Variants in RPL26L1 observed in about 807,000 individuals in gnomAD.
The protein encoded by RPL26L1 is ribosomal protein uL24-like.
Under a neutral mutation model 15.2 loss-of-function variants are expected in RPL26L1, and 8 were observed. The ratio of observed to expected loss-of-function variants is 0.53; its 90% CI spans 0.31 to 0.95. The LOEUF is 0.95. Ranked by LOEUF, RPL26L1 falls within the 40% of genes least tolerant of loss-of-function variation. The pLI, the probability that RPL26L1 is intolerant of heterozygous loss-of-function variation, is 0.05. For missense variants in RPL26L1, 146 were observed against 190.9 expected (o/e 0.76, Z 1.39); for synonymous variants, 51 against 65.9 (o/e 0.77, Z 1.09).
intron 2 of RPL26L1, among the ~76,000 whole-genome samples, chr5:172,966,862 G>GTT (rs987687207): frequency 1.4e-5 from 2 of 144,636 alleles, no homozygotes; most frequent in Non-Finnish European, 1.5e-5. Flanking sequence ...GTACCTGGTG[G>GTT]TTTTTTTTTT....
At chr5:172,962,798 A>G (rs957920626) in intron 2 of RPL26L1, among the ~76,000 whole-genome samples, 1 of 143,562 alleles carries the variant, frequency 7.0e-6, no homozygotes, top group Non-Finnish European at 1.5e-5. Flanking sequence ...CCTGGGTGAC[A>G]GAGTGAGGCT....
intron 1 of RPL26L1, 183 bp downstream of exon 1, chr5:172,959,651 A>C: frequency 1.7e-6 from 2 of 1,201,906 alleles, no homozygotes; most frequent in East Asian, 3.2e-5. Context: ...CCTCTCCCCC[A>C]CGACCCCTTT....
intron 2 of RPL26L1, among the ~76,000 whole-genome samples, chr5:172,966,835 T>G (rs549418324): frequency 1.8e-4 from 27 of 152,100 alleles, no homozygotes; most frequent in African/African-American, 5.3e-4. Flanking sequence ...TCTATGCTTA[T>G]TAATCAGAGT....
chr5:172,955,539 T>C (rs1393137340), upstream of RPL26L1: 4 of 154,548 alleles, frequency 2.6e-5, no homozygotes, highest in Non-Finnish European at 4.3e-5. Context: ...TGGTCCTTTA[T>C]TCCAGAAGGT....
upstream of RPL26L1, chr5:172,958,569 C>T (rs7711780): frequency 0.038 from 13,844 of 365,840 alleles, 781 homozygotes; most frequent in African/African-American, 0.17. Context: ...CTTTTCCTTC[C>T]CTGCCGCCAC....
intron 2 of RPL26L1, among the ~76,000 whole-genome samples, chr5:172,964,281 C>CCTTTTTTT (rs1402885653): frequency 0.024 from 2,401 of 99,030 alleles, 472 homozygotes; most frequent in Middle Eastern, 0.06. Context: ...GGCCTGTTGC[C>CCTTTTTTT]TTTTTTTTTT....
chr5:172,968,552 G>C lies in RPL26L1; in HGVS notation c.262G>C (p.Glu88Gln). 1 of 1,614,124 alleles carries C rather than the reference G, an allele frequency of 6.2e-7. No homozygotes were observed. The highest frequency in any genetic ancestry group is 1.3e-5 in the African/African-American group (1 of 75,040). ...YVIYIERVQR[E>Q]KANGTTVHVG... ...CATCTACATCGAGCGGGTGCAGCGT[G>C]AGAAGGCCAACGGCACAACTGTCCA... Residue 88 changes from glutamate (E) to glutamine (Q), a missense_variant, in exon 3 of 4, where the codon GAG becomes CAG. Transcript: ENST00000265100.
intron 2 of RPL26L1, among the ~76,000 whole-genome samples, chr5:172,962,170 A>G (rs1004603809): frequency 6.6e-6 from 1 of 152,068 alleles, no homozygotes; most frequent in Non-Finnish European, 1.5e-5. Context: ...ACCTTTGTCC[A>G]TTTTCCACAG....
intron 3 of RPL26L1, 109 bp from the exon 4 acceptor site, chr5:172,969,304 A>G: frequency 2.6e-6 from 3 of 1,139,762 alleles, no homozygotes; most frequent in South Asian, 1.5e-5. Context: ...CCAGAGTTTC[A>G]GTTCCTTAAA....
At chr5:172,958,451 T>C (rs1159015207), upstream of RPL26L1, 2 of 456,158 alleles carry the variant, frequency 4.4e-6, no homozygotes, top group East Asian at 1.4e-4. Context: ...AAGTTGTCGT[T>C]CAACATATAT....
At chr5:172,968,107 C>G (rs914696462) in intron 2 of RPL26L1, among the ~76,000 whole-genome samples, 4 of 151,986 alleles carry the variant, frequency 2.6e-5, no homozygotes, top group Non-Finnish European at 5.9e-5. Context: ...ATTCCAAAAT[C>G]CCAAAAACCC....
intron 2 of RPL26L1, among the ~76,000 whole-genome samples, chr5:172,964,328 C>T (rs1300021516): frequency 8.1e-6 from 1 of 123,176 alleles, no homozygotes; most frequent in African/African-American, 2.9e-5. Flanking sequence ...TCTTGTTGCC[C>T]AGGCTGGAGT....
intron 1 of RPL26L1, 43 bp downstream of exon 1, chr5:172,959,511 C>T: frequency 2.8e-6 from 3 of 1,076,720 alleles, no homozygotes; most frequent in Non-Finnish European, 3.4e-6. Flanking sequence ...AACTCTACCG[C>T]CCCGTGAGAC....
chr5:172,959,631 C>G, intron 1 of RPL26L1, 163 bp downstream of exon 1: 1 of 1,236,200 alleles, frequency 8.1e-7, no homozygotes, highest in Non-Finnish European at 1.1e-6. Flanking sequence ...CCTCAAGGTC[C>G]CAGTGCTACC....
intron 2 of RPL26L1, among the ~76,000 whole-genome samples, chr5:172,965,541 G>A (rs1288670982): frequency 6.6e-6 from 1 of 152,154 alleles, no homozygotes; most frequent in Non-Finnish European, 1.5e-5. Flanking sequence ...AGCACTCAGT[G>A]AAGGCATTCC....
chr5:172,958,362 C>T (rs1413996073), upstream of RPL26L1: 2 of 455,854 alleles, frequency 4.4e-6, no homozygotes, highest in African/African-American at 4.0e-5. Flanking sequence ...AGAGAGAGCA[C>T]GGGACCTGCC....
At chr5:172,963,370 T>G (rs1035655837) in intron 2 of RPL26L1, among the ~76,000 whole-genome samples, 101 of 83,000 alleles carry the variant, frequency 1.2e-3, no homozygotes, top group African/African-American at 2.7e-3. Context: ...TAAAACTCGG[T>G]CTCAAAAAAA....
upstream of RPL26L1, chr5:172,959,330 G>A: frequency 1.0e-6 from 1 of 1,000,738 alleles, no homozygotes; most frequent in Non-Finnish European, 1.2e-6. Context: ...GAGGCACTGA[G>A]ATCCCACCCC....
chr5:172,956,811 G>A (rs552216759), upstream of RPL26L1, among the ~76,000 whole-genome samples: 61 of 152,002 alleles, frequency 4.0e-4, no homozygotes, highest in African/African-American at 1.4e-3. Flanking sequence ...GGTGGCATAC[G>A]CCTGTAGTCC....
Sources: allele counts gnomAD v4.1 joint callset (sites outside exome capture counted in the v4.1 genomes callset), GRCh38; gene constraint gnomAD v4.1.1; transcripts MANE v1.5; gene names NCBI Gene and HGNC (gene_info 2026-07-23, HGNC 2026-07-21).